Variants in NMNAT2 observed in about 807,000 individuals in gnomAD.
The protein encoded by NMNAT2 is nicotinamide nucleotide adenylyltransferase 2.
In NMNAT2, 11 loss-of-function variants were observed where a neutral mutation model predicts 41.6. The ratio of observed to expected loss-of-function variants is 0.26; its 90% confidence interval spans 0.17 to 0.44. The LOEUF (loss-of-function observed/expected upper bound fraction) is 0.44. Among genes scored for constraint, NMNAT2 ranks in the 20% least tolerant of loss-of-function variants. The probability of loss-of-function intolerance (pLI) is 1.00; values close to 1 mark genes in which losing one functional copy is unlikely to be tolerated. For missense variants in NMNAT2, 288 were observed against 407.7 expected, an observed-to-expected ratio of 0.71 and a Z score of 2.53; for synonymous variants, 148 against 151.2, an observed-to-expected ratio of 0.98 and a Z score of 0.16.
Position 183,249,464 on chromosome 1 carries a change from C to T in NMNAT2, c.*3177G>A, listed in dbSNP as rs372096757. 6.6e-6 allele frequency: 1 copy of T among 152,232 alleles called. No homozygotes were observed. The highest frequency in any genetic ancestry group is 1.9e-4 in the East Asian group (1 of 5,192). The allele number at this position is 152,232 out of a possible 1,614,324, so 9.4% of individuals were successfully genotyped here. A position where few individuals can be genotyped will look rare whatever the true frequency, so the allele number is the denominator to read the frequency against. On this transcript the variant is annotated 3_prime_UTR_variant, in exon 11 of 11. Transcript: ENST00000287713. ...ATTGTTCCAGTCCATGCCTTTCTCACAACCTCTGAGCCATGCCAGTCTTGG... is the reference window on the plus strand; with the variant it reads ...ATTGTTCCAGTCCATGCCTTTCTCATAACCTCTGAGCCATGCCAGTCTTGG...
At chr1:183,316,164 C>T (rs374858303) in intron 1 of NMNAT2, among the ~76,000 whole-genome samples, 1 of 152,260 alleles carries the variant, frequency 6.6e-6, no homozygotes. Context: ...ACATCACAGG[C>T]CCAGAGTCCC....
chr1:183,303,887 C>T (rs557138764), intron 1 of NMNAT2, among the ~76,000 whole-genome samples: 1 of 152,224 alleles, frequency 6.6e-6, no homozygotes, highest in Non-Finnish European at 1.5e-5. Context: ...TATGGATTTC[C>T]TCTCCACAGG....
At position 183,418,235 on chromosome 1, in the gene NMNAT2, C is replaced by T. The variant is rs766752914; in HGVS notation, c.33G>A (p.Leu11=). Residue 11 remains leucine, a synonymous_variant, in exon 1 of 11, where the codon TTG becomes TTA. Transcript: ENST00000287713. MTETTKTHVI[L]LACGSFNPIT... The stretch of plus-strand genomic sequence containing the variant: ...TGGGATTGAAGCTGCCGCAGGCGAG[C>T]AAGATAACGTGGGTCTTGGTGGTCT... 5 of 1,613,746 alleles carry T rather than the reference C, an allele frequency of 3.1e-6. No individual in the cohort carries two copies. In the East Asian group the frequency reaches 8.9e-5, roughly 29 times the overall value.
chr1:183,391,056 G>A (rs1454493601), intron 1 of NMNAT2, among the ~76,000 whole-genome samples: 1 of 152,138 alleles, frequency 6.6e-6, no homozygotes, highest in Non-Finnish European at 1.5e-5. Context: ...GTATTTTGCA[G>A]CATCAATGAG....
At chr1:183,412,651 A>T (rs1465075552) in intron 1 of NMNAT2, among the ~76,000 whole-genome samples, 1 of 152,264 alleles carries the variant, frequency 6.6e-6, no homozygotes, top group Non-Finnish European at 1.5e-5. Context: ...AGGGATGTAG[A>T]TGGAGAGAGG....
At chr1:183,378,980 C>CAGTG (rs1663737271) in intron 1 of NMNAT2, among the ~76,000 whole-genome samples, 1 of 151,872 alleles carries the variant, frequency 6.6e-6, no homozygotes, top group African/African-American at 2.4e-5. Context: ...GAGGAGGTTG[C>CAGTG]AGTGAGTGAT....
chr1:183,291,754 G>A (rs1661545605), intron 3 of NMNAT2, among the ~76,000 whole-genome samples: 1 of 152,154 alleles, frequency 6.6e-6, no homozygotes, highest in South Asian at 2.1e-4. Context: ...ATCCTTTCTT[G>A]CCTACGGGTG....
chr1:183,340,137 CT>C (rs1662764097), intron 1 of NMNAT2, among the ~76,000 whole-genome samples: 2 of 152,304 alleles, frequency 1.3e-5, no homozygotes, highest in East Asian at 3.9e-4. Context: ...TGGCTCTCCC[CT>C]TCTGGGGTGC....
rs570683342 is a variant in NMNAT2 at position 183,389,812 on chromosome 1, G to T, written c.85+28371C>A. 2.1e-3 allele frequency among the ~76,000 whole-genome samples: 130 copies of T among 60,752 alleles called. 21 individuals carry two copies. The highest frequency in any genetic ancestry group is 3.1e-3 in the Non-Finnish European group (94 of 30,398). 39.9% of individuals were successfully genotyped at this position (60,752 alleles called of 152,430 possible). On this transcript the variant is annotated intron_variant, in intron 1 of 10. Coordinates refer to ENST00000287713, the MANE Select transcript of NMNAT2 (RefSeq NM_015039.4). ...AGAAAGAAAGAAAGAAAGAAAGAAA[G>T]AAAGAAAGAAAGAAAGAAAGAAAGA...
At position 183,306,555 on chromosome 1, in the gene NMNAT2, ATT is replaced by A. The variant is rs576941904; in HGVS notation, c.86-12764_86-12763del. 2.7e-3 allele frequency among the ~76,000 whole-genome samples: 417 copies of A among 152,300 alleles called. 4 individuals carry two copies. The highest frequency in any genetic ancestry group is 9.0e-3 in the African/African-American group (373 of 41,566). ...TGAACCAAAGAAGCTCAATTACTGC[ATT>A]GAGTGGAGAAACAAAATCAGCTCAT... On this transcript the variant is annotated intron_variant, in intron 1 of 10. Coordinates refer to ENST00000287713, the MANE Select transcript of NMNAT2 (RefSeq NM_015039.4).
chr1:183,389,613 G>A (rs1648378707), intron 1 of NMNAT2, among the ~76,000 whole-genome samples: 1 of 151,476 alleles, frequency 6.6e-6, no homozygotes, highest in Non-Finnish European at 1.5e-5. Flanking sequence ...GCACATGCCT[G>A]TAGTCCCAGC....
chr1:183,300,489 C>G (rs558071361), intron 1 of NMNAT2, among the ~76,000 whole-genome samples: 1 of 151,488 alleles, frequency 6.6e-6, no homozygotes, highest in Admixed American at 6.6e-5. Context: ...TCTGCCTGAG[C>G]CTTTATCTTG....
chr1:183,398,554 A>G (rs1648720658), intron 1 of NMNAT2, among the ~76,000 whole-genome samples: 1 of 152,228 alleles, frequency 6.6e-6, no homozygotes, highest in Non-Finnish European at 1.5e-5. Flanking sequence ...CTCTGCACCA[A>G]GGGGACCTAA....
At chr1:183,406,756 A>G (rs1031728606) in intron 1 of NMNAT2, among the ~76,000 whole-genome samples, 4 of 151,994 alleles carry the variant, frequency 2.6e-5, no homozygotes, top group Admixed American at 2.0e-4. Context: ...TCATGTACCT[A>G]AAACCTTTTT....
At chr1:183,371,567 G>C (rs368544313) in intron 1 of NMNAT2, among the ~76,000 whole-genome samples, 1 of 152,270 alleles carries the variant, frequency 6.6e-6, no homozygotes, top group East Asian at 1.9e-4. Context: ...GTGAAGGGGG[G>C]AGTCTGTGGG....
intron 1 of NMNAT2, among the ~76,000 whole-genome samples, chr1:183,307,269 A>G (rs960360988): frequency 3.3e-5 from 5 of 150,694 alleles, no homozygotes; most frequent in African/African-American, 1.2e-4. Context: ...AGACCCTGGT[A>G]TCTTCTCTCC....
In NMNAT2 at chr1:183,309,099, C is replaced by T. The variant is rs370005769; in HGVS notation, c.86-15306G>A. ...GTGGTGCGATCACAGCTCACTGTAG[C>T]CTCAAACTCCTGGGCTCAGCCTCCC... On this transcript the variant is annotated intron_variant, in intron 1 of 10. Coordinates refer to ENST00000287713, the MANE Select transcript of NMNAT2 (RefSeq NM_015039.4). 3.9e-5 allele frequency among the ~76,000 whole-genome samples: 6 copies of T among 152,198 alleles called. No individual in the cohort carries two copies. The East Asian group carries it at 9.7e-4, about 24-fold the overall frequency.
At chr1:183,265,921 T>C (rs761668529) in intron 8 of NMNAT2, among the ~76,000 whole-genome samples, 1 of 152,042 alleles carries the variant, frequency 6.6e-6, no homozygotes, top group Non-Finnish European at 1.5e-5. Context: ...CAGAGGGAGA[T>C]TGGACCCAGA....
chr1:183,312,538 A>G (rs1434160041), intron 1 of NMNAT2, among the ~76,000 whole-genome samples: 1 of 150,298 alleles, frequency 6.7e-6, no homozygotes. Flanking sequence ...TTACTTTTAA[A>G]ACTATTTAAT....
Sources: allele counts gnomAD v4.1 joint callset (sites outside exome capture counted in the v4.1 genomes callset), GRCh38; gene constraint gnomAD v4.1.1; transcripts MANE v1.5; gene names NCBI Gene and HGNC (gene_info 2026-07-23, HGNC 2026-07-21).